SLC25A13: variants seen among roughly 807,000 people sequenced by gnomAD.
SLC25A13 encodes the protein electrogenic aspartate/glutamate antiporter SLC25A13, mitochondrial.
In SLC25A13, 70 loss-of-function variants were observed where a neutral mutation model predicts 85.5. The observed-to-expected ratio is 0.82, with a 90% CI of 0.68 to 1.00. SLC25A13 has a LOEUF of 1.00. Among genes scored for constraint, SLC25A13 ranks in the 50% least tolerant of loss-of-function variants. The pLI is 0.00. For missense variants in SLC25A13, 765 were observed against 819.8 expected (o/e 0.93, Z 0.82); for synonymous variants, 259 against 288.7 (o/e 0.90, Z 1.04).
At chr7:96,255,615 C>T (rs576820572) in intron 3 of SLC25A13, among the ~76,000 whole-genome samples, 47 of 152,158 alleles carry the variant, frequency 3.1e-4, no homozygotes, top group South Asian at 1.0e-3. Context: ...TGAGCCCAGG[C>T]GGTTGAGGCT....
chr7:96,322,074 G>T lies in SLC25A13; in HGVS notation c.-118C>A. On this transcript the variant is annotated 5_prime_UTR_variant, in exon 1 of 18. In the 5' UTR this introduces an upstream ATG that the reference lacks. Coordinates refer to ENST00000265631, the MANE Select transcript of SLC25A13 (RefSeq NM_014251.3). ...GGCGGTGGGGGCGGCGATACGGCCAGGCAGCGTGCGTTCCTGGCCTGCCTC... is the reference window on the plus strand; with the variant it reads ...GGCGGTGGGGGCGGCGATACGGCCATGCAGCGTGCGTTCCTGGCCTGCCTC... The T allele has an allele frequency of 1.4e-6, 2 of 1,386,258 alleles. No homozygotes were observed. 85.9% of individuals were successfully genotyped at this position (1,386,258 alleles called of 1,614,324 possible).
intron 2 of SLC25A13, among the ~76,000 whole-genome samples, chr7:96,293,087 G>C (rs1799191755): frequency 6.6e-6 from 1 of 152,140 alleles, no homozygotes; most frequent in South Asian, 2.1e-4. Flanking sequence ...CAGAGACATA[G>C]ACCAATGGAA....
intron 14 of SLC25A13, among the ~76,000 whole-genome samples, chr7:96,143,211 C>T (rs559493740): frequency 6.6e-6 from 1 of 152,294 alleles, no homozygotes; most frequent in Admixed American, 6.5e-5. Context: ...CTGCCATTTA[C>T]TGTTAAATGA....
At chr7:96,252,156 C>T (rs1797453865) in intron 3 of SLC25A13, among the ~76,000 whole-genome samples, 1 of 152,116 alleles carries the variant, frequency 6.6e-6, no homozygotes, top group African/African-American at 2.4e-5. Context: ...GTCAACTTTC[C>T]AGCATCTTCC....
intron 1 of SLC25A13, among the ~76,000 whole-genome samples, chr7:96,320,188 G>A (rs1459122232): frequency 6.6e-6 from 1 of 152,108 alleles, no homozygotes; most frequent in Non-Finnish European, 1.5e-5. Context: ...TGTATTTTTA[G>A]TAGAGACAGG....
intron 4 of SLC25A13, among the ~76,000 whole-genome samples, chr7:96,217,995 T>A (rs1378939829): frequency 1.3e-5 from 2 of 151,784 alleles, no homozygotes; most frequent in Non-Finnish European, 2.9e-5. Context: ...CTCAATTCGC[T>A]CAATCTTTAA....
chr7:96,276,889 A>C (rs1798472151), intron 3 of SLC25A13, among the ~76,000 whole-genome samples: 1 of 152,206 alleles, frequency 6.6e-6, no homozygotes, highest in Non-Finnish European at 1.5e-5. Flanking sequence ...GCTGCCTTGA[A>C]AAATACCAAA....
chr7:96,233,761 C>T (rs190401556), intron 4 of SLC25A13, among the ~76,000 whole-genome samples: 1 of 152,176 alleles, frequency 6.6e-6, no homozygotes, highest in Non-Finnish European at 1.5e-5. Flanking sequence ...CACTGTTACA[C>T]CATCTGTATT....
chr7:96,230,222 G>A (rs1041799602), intron 4 of SLC25A13, among the ~76,000 whole-genome samples: 1 of 152,222 alleles, frequency 6.6e-6, no homozygotes, highest in Admixed American at 6.5e-5. Flanking sequence ...AAGGAAGCCA[G>A]ACCAAAAGAG....
intron 3 of SLC25A13, among the ~76,000 whole-genome samples, chr7:96,275,344 T>A (rs1261077841): frequency 1.3e-5 from 2 of 152,172 alleles, no homozygotes; most frequent in Non-Finnish European, 2.9e-5. Flanking sequence ...TCAGGGATCT[T>A]GAACTAGAAA....
intron 1 of SLC25A13, among the ~76,000 whole-genome samples, chr7:96,321,476 G>A (rs556191481): frequency 1.3e-5 from 2 of 152,330 alleles, no homozygotes; most frequent in East Asian, 1.9e-4. Context: ...CCCGCGGGAG[G>A]GCGGAGCCCT....
intron 3 of SLC25A13, among the ~76,000 whole-genome samples, chr7:96,235,360 G>C (rs1796707647): frequency 6.6e-6 from 1 of 152,124 alleles, no homozygotes; most frequent in Non-Finnish European, 1.5e-5. Context: ...GGTATTTACT[G>C]ACCACCTGTG....
chr7:96,180,552 C>T (rs1584418102), intron 11 of SLC25A13, among the ~76,000 whole-genome samples: 1 of 152,210 alleles, frequency 6.6e-6, no homozygotes, highest in East Asian at 1.9e-4. Context: ...TGGTCTTGAA[C>T]TCCTGACCTC....
chr7:96,121,749 TA>T lies in SLC25A13; in HGVS notation c.1751-5del, dbSNP rs1173610818. The T allele has an allele frequency of 6.2e-7, 1 of 1,614,042 alleles. No homozygotes were observed. Among genetic ancestry groups the T allele is most frequent in the Non-Finnish European group, 8.5e-7 (1 of 1,179,966 alleles). ...GGTGAGGATCGAAATACACGAGCTT[TA>T]AAAAAATGGAGAAATCACAGATATA... On this transcript the variant is annotated splice_polypyrimidine_tract_variant and splice_region_variant and intron_variant, in intron 16 of 17. Transcript: ENST00000265631.
At chr7:96,163,895 C>G (rs577726905) in intron 13 of SLC25A13, among the ~76,000 whole-genome samples, 1 of 151,920 alleles carries the variant, frequency 6.6e-6, no homozygotes, top group Non-Finnish European at 1.5e-5. Context: ...AACATCCTCT[C>G]TCTCTCTCCA....
chr7:96,287,702 C>T (rs1206797815), intron 2 of SLC25A13, among the ~76,000 whole-genome samples: 2 of 152,192 alleles, frequency 1.3e-5, no homozygotes, highest in Non-Finnish European at 2.9e-5. Context: ...ATGGATCACA[C>T]CAACCAGTGA....
chr7:96,193,902 T>C (rs1794954672), intron 5 of SLC25A13, among the ~76,000 whole-genome samples: 1 of 152,218 alleles, frequency 6.6e-6, no homozygotes, highest in African/African-American at 2.4e-5. Context: ...CCTGTCATGG[T>C]ATCATTGCAT....
Position 96,321,941 on chromosome 7 carries a change from C to T in SLC25A13, c.15+1G>A, listed in dbSNP as rs748094224. ...CCCCCCGGCCTCGGGCCCGCGGTTACCTTGGCGGCCGCCATGATTCGCCCC... is the reference window on the plus strand; with the variant it reads ...CCCCCCGGCCTCGGGCCCGCGGTTATCTTGGCGGCCGCCATGATTCGCCCC... On this transcript the variant is annotated splice_donor_variant, in intron 1 of 17. Transcript: ENST00000265631. LOFTEE classifies it high-confidence loss of function. The T allele has an allele frequency of 1.0e-5, 16 of 1,538,594 alleles. No individual in the cohort carries two copies. Among genetic ancestry groups the T allele is most frequent in the African/African-American group, 1.4e-5 (1 of 70,280 alleles).
intron 3 of SLC25A13, among the ~76,000 whole-genome samples, chr7:96,264,120 C>CT (rs1196970142): frequency 6.6e-6 from 1 of 152,160 alleles, no homozygotes; most frequent in Non-Finnish European, 1.5e-5. Context: ...ACCTCACCTA[C>CT]TCTGGATTAT....
Sources: allele counts gnomAD v4.1 joint callset (sites outside exome capture counted in the v4.1 genomes callset), GRCh38; gene constraint gnomAD v4.1.1; transcripts MANE v1.5; gene names NCBI Gene and HGNC (gene_info 2026-07-23, HGNC 2026-07-21).